The following RAPGEF5 variants were observed in gnomAD, a reference collection of about 807,000 sequenced individuals.
The protein encoded by RAPGEF5 is M-Ras-regulated GEF.
Under a neutral mutation model 125.2 loss-of-function variants are expected in RAPGEF5, and 65 were observed. The ratio of observed to expected loss-of-function variants is 0.52; its 90% confidence interval spans 0.43 to 0.64. The LOEUF (loss-of-function observed/expected upper bound fraction) is 0.64. RAPGEF5 is among the 30% of genes least tolerant of loss of function. The pLI is 0.00. For missense variants in RAPGEF5, 958 were observed against 1,048.1 expected (o/e 0.91, Z 1.19); for synonymous variants, 391 against 385.9 (o/e 1.01, Z -0.16).
intron 1 of RAPGEF5, among the ~76,000 whole-genome samples, chr7:22,338,846 G>C (rs1784072911): frequency 6.6e-6 from 1 of 152,244 alleles, no homozygotes; most frequent in African/African-American, 2.4e-5. Context: ...CAGGGCAGAA[G>C]AGGCGCCCCC....
rs1176595647 is a variant in RAPGEF5, at chr7:22,157,951, G to A, written c.1527-66C>T. ...CCCAGAATAATGCAGTTATTGTTAC[G>A]GAAGACTAATTTTCCAGCACTAGGC... is the stretch of plus-strand genomic sequence containing the variant. On this transcript the variant is annotated intron_variant, in intron 14 of 25. Transcript: ENST00000665637. 2.9e-5 allele frequency: 43 copies of A among 1,475,364 alleles called. 1 individual carries two copies. The highest frequency in any genetic ancestry group is 1.6e-4 in the South Asian group (14 of 85,376). The allele number at this position is 1,475,364 out of a possible 1,614,324, so 91.4% of individuals were successfully genotyped here.
chr7:22,160,268 T>C (rs934322211), intron 14 of RAPGEF5, among the ~76,000 whole-genome samples: 1 of 152,238 alleles, frequency 6.6e-6, no homozygotes, highest in African/African-American at 2.4e-5. Flanking sequence ...CGTACCTGGT[T>C]GTTATGGCCC....
chr7:22,338,993 G>C lies in RAPGEF5; in HGVS notation c.231+17837C>G, dbSNP rs138507002. Among the ~76,000 whole-genome samples, 1,280 of 152,304 alleles carry C rather than the reference G, an allele frequency of 8.4e-3. 9 individuals carry two copies. The highest frequency in any genetic ancestry group is 0.013 in the Non-Finnish European group (866 of 68,024). ...AGAAAAAACCTGAAGCTGGTGATCA[G>C]CAGCTTCCAGATAAGATCTCAGGAG... is the stretch of plus-strand genomic sequence containing the variant. On this transcript the variant is annotated intron_variant, in intron 1 of 25. Coordinates refer to ENST00000665637, the MANE Select transcript of RAPGEF5 (RefSeq NM_012294.5).
intron 7 of RAPGEF5, among the ~76,000 whole-genome samples, chr7:22,266,382 C>T (rs1583532012): frequency 1.3e-5 from 2 of 152,150 alleles, no homozygotes; most frequent in South Asian, 4.1e-4. Context: ...TGAATTCTAA[C>T]AGATTATGCT....
At chr7:22,199,531 G>GAAAAAAAAAAAAAA (rs35024654) in intron 9 of RAPGEF5, among the ~76,000 whole-genome samples, 1 of 62,832 alleles carries the variant, frequency 1.6e-5, no homozygotes. Flanking sequence ...CCTTAAAATT[G>GAAAAAAAAAAAAAA]AAAAAAAAAA....
intron 11 of RAPGEF5, among the ~76,000 whole-genome samples, chr7:22,179,991 T>C (rs547438123): frequency 2.3e-4 from 35 of 152,302 alleles, no homozygotes; most frequent in African/African-American, 7.9e-4. Context: ...ATTCTTTCGT[T>C]TCTCTACTTC....
chr7:22,179,721 C>T (rs1427674102), intron 11 of RAPGEF5, among the ~76,000 whole-genome samples: 1 of 152,078 alleles, frequency 6.6e-6, no homozygotes, highest in Non-Finnish European at 1.5e-5. Flanking sequence ...CAAATGTGAC[C>T]GCCAGTTGTT....
rs1380624327 is a variant in RAPGEF5 at position 22,140,064 on chromosome 7, G to A, written c.2238C>T (p.Leu746=). The change falls in exon 21 of 26, where the codon CTC becomes CTT. Residue 746 remains leucine (L), a synonymous_variant. Transcript: ENST00000665637. The part of the protein sequence containing the change: ...LNSFFAIVMG[L]NTASVSRLSQ... ...ACAGTCGACTGACAGAAGCAGTGTTGAGACCCATCACAATGGCAAAGAAAG... is the reference window on the plus strand; with the variant it reads ...ACAGTCGACTGACAGAAGCAGTGTTAAGACCCATCACAATGGCAAAGAAAG... The A allele has an allele frequency of 1.3e-6, 2 of 1,568,848 alleles. No individual in the cohort carries two copies. The highest frequency in any genetic ancestry group is 2.4e-5 in the South Asian group (2 of 84,822).
At chr7:22,281,986 C>T (rs1782682612) in intron 6 of RAPGEF5, among the ~76,000 whole-genome samples, 2 of 152,298 alleles carry the variant, frequency 1.3e-5, no homozygotes, top group Admixed American at 1.3e-4. Flanking sequence ...GAAATGATGG[C>T]CATTCCTCAA....
intron 14 of RAPGEF5, among the ~76,000 whole-genome samples, chr7:22,159,141 A>C (rs1036288891): frequency 6.6e-6 from 1 of 152,202 alleles, no homozygotes; most frequent in African/African-American, 2.4e-5. Context: ...TTTGAGGACA[A>C]GGTTGTCCTT....
At chr7:22,238,112 G>A (rs1786239021) in intron 7 of RAPGEF5, among the ~76,000 whole-genome samples, 1 of 152,158 alleles carries the variant, frequency 6.6e-6, no homozygotes, top group Admixed American at 6.5e-5. Context: ...TCTGGTAGAG[G>A]TCCTGGCAAG....
chr7:22,275,754 G>A lies in RAPGEF5; in HGVS notation c.748-8742C>T, dbSNP rs951544601. Among the ~76,000 whole-genome samples the A allele has an allele frequency of 4.7e-4, 72 of 152,164 alleles. 1 individual carries two copies. Among genetic ancestry groups the A allele is most frequent in the African/African-American group, 1.7e-3 (71 of 41,428 alleles). On this transcript the variant is annotated intron_variant, in intron 6 of 25. Transcript: ENST00000665637. The stretch of plus-strand genomic sequence containing the variant: ...TGTCACCTGGGAGTTGGTGACATAT[G>A]TCAGCCTGCAGTTGAACAGCTGGTG...
intron 1 of RAPGEF5, among the ~76,000 whole-genome samples, chr7:22,338,375 T>C (rs1784063789): frequency 6.6e-6 from 1 of 152,218 alleles, no homozygotes; most frequent in Admixed American, 6.5e-5. Context: ...TCTATATCTT[T>C]GCACTCCCCA....
At chr7:22,164,475 T>C (rs999321411) in intron 12 of RAPGEF5, among the ~76,000 whole-genome samples, 4 of 152,202 alleles carry the variant, frequency 2.6e-5, no homozygotes, top group Admixed American at 2.0e-4. Context: ...AATGAAGATA[T>C]GAACTTTGTA....
At position 22,144,628 on chromosome 7, in the gene RAPGEF5, G is replaced by T. The variant is rs16873141; in HGVS notation, c.2186+416C>A. ...GCAGGGCCTTCTAATGAACGAGTTC[G>T]CAAAAGTTCATACGGTGGGCCTCAA... On this transcript the variant is annotated intron_variant, in intron 20 of 25. Coordinates refer to ENST00000665637, the MANE Select transcript of RAPGEF5 (RefSeq NM_012294.5). Among the ~76,000 whole-genome samples the T allele has an allele frequency of 8.5e-3, 1,295 of 152,290 alleles. 30 individuals carry two copies. Among genetic ancestry groups the T allele is most frequent in the Admixed American group, 0.052 (789 of 15,300 alleles).
In RAPGEF5 at chr7:22,136,867, T is replaced by C. The variant is rs1783094662; in HGVS notation, c.2328+66A>G. On this transcript the variant is annotated intron_variant, in intron 22 of 25. Transcript: ENST00000665637. ...AGAGTACAAATACCACCCACTATAATGTAGAAAGAAACTAGACCCTAGCAA... is the reference window on the plus strand; with the variant it reads ...AGAGTACAAATACCACCCACTATAACGTAGAAAGAAACTAGACCCTAGCAA... 2.2e-6 allele frequency: 3 copies of C among 1,335,850 alleles called. No homozygotes were observed. In the Middle Eastern group the frequency reaches 6.0e-4, roughly 267 times the overall value. 82.7% of individuals were successfully genotyped at this position (1,335,850 alleles called of 1,614,324 possible).
chr7:22,324,743 A>C (rs1048410937), intron 1 of RAPGEF5, among the ~76,000 whole-genome samples: 2 of 152,238 alleles, frequency 1.3e-5, no homozygotes, highest in Non-Finnish European at 2.9e-5. Context: ...GCTGCACAAC[A>C]GAATGACTCT....
chr7:22,323,084 T>C (rs1783747925), intron 1 of RAPGEF5, among the ~76,000 whole-genome samples: 1 of 152,230 alleles, frequency 6.6e-6, no homozygotes, highest in African/African-American at 2.4e-5. Flanking sequence ...GCAAATCCTG[T>C]CCTGCACCTG....
chr7:22,294,928 C>T (rs1461173407), intron 5 of RAPGEF5, among the ~76,000 whole-genome samples: 1 of 152,212 alleles, frequency 6.6e-6, no homozygotes, highest in South Asian at 2.1e-4. Context: ...ACAAAGATAT[C>T]TATTCAAGGT....
Sources: gnomAD v4.1 joint callset for allele counts (sites outside exome capture counted in the v4.1 genomes callset) on GRCh38, gnomAD v4.1.1 for gene constraint, MANE v1.5 for transcripts, NCBI Gene and HGNC (gene_info 2026-07-23, HGNC 2026-07-21) for gene names.